DPH6: variants seen among roughly 807,000 people sequenced by gnomAD.
DPH6 encodes the protein diphthine--ammonia ligase.
Under a neutral mutation model 38.2 loss-of-function variants are expected in DPH6, and 33 were observed. The ratio of observed to expected loss-of-function variants is 0.86; its 90% CI spans 0.65 to 1.15. The LOEUF is 1.15. Ranked by LOEUF, DPH6 falls within the 50% of genes most tolerant of loss-of-function variation. DPH6 has a pLI of 0.00. For synonymous variants in DPH6, 108 were observed against 103.0 expected, an observed-to-expected ratio of 1.05 and a Z score of -0.30; for missense variants, 325 against 320.0, an observed-to-expected ratio of 1.02 and a Z score of -0.12.
At position 35,445,104 on chromosome 15, in the gene DPH6, A is replaced by G. The variant is rs184101362; in HGVS notation, c.505+5581T>C. ...TAGGCTTTTCACAAACATACTCTGC[A>G]TAACTCCAGAGAGGAGTTGTTAGTA... On this transcript the variant is annotated intron_variant, in intron 5 of 8. Coordinates refer to ENST00000256538, the MANE Select transcript of DPH6 (RefSeq NM_080650.4). Among the ~76,000 whole-genome samples, 4 of 152,328 alleles carry G rather than the reference A, an allele frequency of 2.6e-5. 1 individual carries two copies. The highest frequency in any genetic ancestry group is 2.0e-4 in the Admixed American group (3 of 15,302).
Position 35,420,732 on chromosome 15 carries a change from G to A in DPH6, c.506-9836C>T, listed in dbSNP as rs1047725549. ...GGGTTTCACCGTATTGGCCAGGCTG[G>A]TCGCGAACTCCTAACCTTGTGATCT... On this transcript the variant is annotated intron_variant, in intron 5 of 8. Coordinates refer to ENST00000256538, the MANE Select transcript of DPH6 (RefSeq NM_080650.4). 2.6e-5 allele frequency among the ~76,000 whole-genome samples: 4 copies of A among 152,102 alleles called. No individual in the cohort carries two copies. The East Asian group carries it at 7.8e-4, about 30-fold the overall frequency.
intron 3 of DPH6, among the ~76,000 whole-genome samples, chr15:35,301,794 A>G (rs955585761): frequency 6.6e-6 from 1 of 151,648 alleles, no homozygotes; most frequent in African/African-American, 2.4e-5. Context: ...CTAACATGGT[A>G]AAACCCCATC....
chr15:35,182,422 T>C, the DPH6 span, among the ~76,000 whole-genome samples: 1 of 152,010 alleles, frequency 6.6e-6, no homozygotes, highest in Non-Finnish European at 1.5e-5. Flanking sequence ...AGCTTAATTA[T>C]TATTGACAAG....
the DPH6 span, among the ~76,000 whole-genome samples, chr15:35,205,623 A>G: frequency 0.074 from 11,305 of 152,126 alleles, 586 homozygotes; most frequent in East Asian, 0.3. Context: ...TTGAAAGCAT[A>G]TAACTAAATT....
chr15:35,166,988 G>C, the DPH6 span, among the ~76,000 whole-genome samples: 42 of 152,142 alleles, frequency 2.8e-4, no homozygotes, highest in South Asian at 8.5e-3. Context: ...CTTTGTAGAA[G>C]TACTGAAGAG....
At chr15:35,378,500 T>C (rs1430014169) in intron 7 of DPH6, among the ~76,000 whole-genome samples, 1 of 152,156 alleles carries the variant, frequency 6.6e-6, no homozygotes, top group African/African-American at 2.4e-5. Flanking sequence ...GGATTATAAA[T>C]CATTCTACTA....
In DPH6 at chr15:35,321,057, T is replaced by C. The variant is rs190769593; in HGVS notation, n.200+52464A>G. Among the ~76,000 whole-genome samples the C allele has an allele frequency of 3.9e-5, 6 of 152,328 alleles. No individual in the cohort carries two copies. The East Asian group carries it at 1.2e-3, about 29-fold the overall frequency. ...GAGCAACTGGGGAAGTCACAAATCT[T>C]GTGACCTCTGGTCCCATGATGACCT... On this transcript the variant is annotated intron_variant and non_coding_transcript_variant, in intron 3 of 3. Coordinates refer to the DPH6 transcript ENST00000560386.
intron 3 of DPH6, among the ~76,000 whole-genome samples, chr15:35,323,263 T>A (rs566472290): frequency 1.3e-5 from 2 of 152,216 alleles, no homozygotes; most frequent in East Asian, 1.9e-4. Flanking sequence ...CACTTTTCTA[T>A]GAATGTCTTC....
intron 3 of DPH6, among the ~76,000 whole-genome samples, chr15:35,312,160 C>T (rs879295053): frequency 8.6e-5 from 13 of 152,006 alleles, no homozygotes; most frequent in South Asian, 8.3e-4. Flanking sequence ...CATTTTATGA[C>T]GCATGCAATT....
At chr15:35,497,512 A>T (rs1348112611) in intron 3 of DPH6, among the ~76,000 whole-genome samples, 3 of 152,326 alleles carry the variant, frequency 2.0e-5, no homozygotes, top group South Asian at 4.1e-4. Context: ...ATAAGTTTTT[A>T]AAAATAGCCA....
intron 3 of DPH6, among the ~76,000 whole-genome samples, chr15:35,225,037 G>A (rs1032851490): frequency 3.3e-5 from 5 of 152,280 alleles, no homozygotes; most frequent in Non-Finnish European, 7.4e-5. Context: ...TCCCATCCAG[G>A]ATAACACATT....
Position 35,474,481 on chromosome 15 carries a change from T to G in DPH6, c.313-19661A>C, listed in dbSNP as rs533643360. On this transcript the variant is annotated intron_variant, in intron 3 of 8. Transcript: ENST00000256538. ...CATAACAGCAAGTTTAAAGGCAGACTCTAGTTTCCAGAATTCTTTTAAGGG... is the reference window on the plus strand; with the variant it reads ...CATAACAGCAAGTTTAAAGGCAGACGCTAGTTTCCAGAATTCTTTTAAGGG... 3.0e-4 allele frequency among the ~76,000 whole-genome samples: 45 copies of G among 152,240 alleles called. No homozygotes were observed. In the South Asian group the frequency reaches 8.3e-3, roughly 28 times the overall value.
chr15:35,382,049 A>G (rs191702569), intron 6 of DPH6, 133 bp from the exon 7 acceptor site: 13 of 663,412 alleles, frequency 2.0e-5, no homozygotes, highest in Middle Eastern at 3.9e-4. Flanking sequence ...AGGAAAATTA[A>G]TTATATTTCT....
At chr15:35,210,695 T>G in the DPH6 span, among the ~76,000 whole-genome samples, 1 of 152,152 alleles carries the variant, frequency 6.6e-6, no homozygotes, top group African/African-American at 2.4e-5. Flanking sequence ...CCCAATTAAT[T>G]GGACACAGAT....
At chr15:35,306,307 C>T (rs2052090534) in intron 3 of DPH6, among the ~76,000 whole-genome samples, 1 of 152,096 alleles carries the variant, frequency 6.6e-6, no homozygotes, top group Admixed American at 6.6e-5. Context: ...CATTTCCCAC[C>T]AAGGGAAATA....
chr15:35,422,337 G>C (rs1208632541), intron 5 of DPH6, among the ~76,000 whole-genome samples: 1 of 151,834 alleles, frequency 6.6e-6, no homozygotes, highest in African/African-American at 2.4e-5. Flanking sequence ...AAAACCTTGA[G>C]GAATACCAGA....
At chr15:35,252,475 C>T (rs2051681413) in intron 3 of DPH6, among the ~76,000 whole-genome samples, 1 of 152,236 alleles carries the variant, frequency 6.6e-6, no homozygotes, top group African/African-American at 2.4e-5. Context: ...ACAATGTGAA[C>T]TGCCATTAAG....
chr15:35,357,036 T>C (rs537938526), intron 3 of DPH6, among the ~76,000 whole-genome samples: 39 of 152,302 alleles, frequency 2.6e-4, no homozygotes, highest in African/African-American at 9.4e-4. Context: ...CTCAGACTGC[T>C]GTGCTAGCAA....
At chr15:35,446,908 G>A (rs1451077823) in intron 5 of DPH6, among the ~76,000 whole-genome samples, 5 of 149,896 alleles carry the variant, frequency 3.3e-5, no homozygotes, top group South Asian at 2.1e-4. Context: ...TTGCTCTGTC[G>A]CCCAGGCTGG....
Sources: allele counts gnomAD v4.1 joint callset (sites outside exome capture counted in the v4.1 genomes callset), GRCh38; gene constraint gnomAD v4.1.1; transcripts MANE v1.5; gene names NCBI Gene and HGNC (gene_info 2026-07-23, HGNC 2026-07-21).